The following SDAD1 variants were observed in gnomAD, a reference collection of about 807,000 sequenced individuals.
SDAD1 encodes the protein protein SDA1 homolog.
A neutral mutation model predicts 100.3 loss-of-function variants in SDAD1; 79 were observed. The ratio of observed to expected loss-of-function variants is 0.79; its 90% CI spans 0.66 to 0.95. The LOEUF (loss-of-function observed/expected upper bound fraction) is 0.95. Ranked by LOEUF, SDAD1 falls within the 40% of genes least tolerant of loss-of-function variation. The pLI, the probability that SDAD1 is intolerant of heterozygous loss-of-function variation, is 0.00. For synonymous variants in SDAD1, 267 were observed against 271.4 expected (o/e 0.98, Z 0.16); for missense variants, 790 against 810.9 (o/e 0.97, Z 0.31).
intron 8 of SDAD1, among the ~76,000 whole-genome samples, chr4:75,972,692 C>A (rs1442857974): frequency 1.3e-5 from 2 of 149,024 alleles, no homozygotes; most frequent in Non-Finnish European, 3.0e-5. Context: ...TATTTTATGC[C>A]ATCATGAATC....
chr4:75,954,378 T>A (rs1287333238), intron 21 of SDAD1, among the ~76,000 whole-genome samples: 1 of 146,490 alleles, frequency 6.8e-6, no homozygotes, highest in Non-Finnish European at 1.5e-5. Context: ...CGAGACTCTG[T>A]CTCAAAAAAA....
At chr4:75,990,632 CT>C (rs1394976963) in intron 1 of SDAD1, 119 bp downstream of exon 1, 56 of 1,597,912 alleles carry the variant, frequency 3.5e-5, no homozygotes, top group Non-Finnish European at 4.5e-5. Flanking sequence ...GGAGGGACCC[CT>C]GAACCTAACA....
chr4:75,965,971 AC>A lies in SDAD1; in HGVS notation c.1046-150del, dbSNP rs985426503. On this transcript the variant is annotated intron_variant, in intron 12 of 21. Transcript: ENST00000356260. ...CAATCCCCAGATATCTGCTTGGCTTACCCCCTCACTTTCTTCAGGTCCCTAC... is the reference window on the plus strand; with the variant it reads ...CAATCCCCAGATATCTGCTTGGCTTACCCCTCACTTTCTTCAGGTCCCTAC... 6 of 625,288 alleles carry A rather than the reference AC, an allele frequency of 9.6e-6. No individual in the cohort carries two copies. The African/African-American group carries it at 1.1e-4, about 12-fold the overall frequency. 38.7% of individuals were successfully genotyped at this position (625,288 alleles called of 1,614,324 possible).
At chr4:75,958,580 C>A (rs1729039489) in intron 17 of SDAD1, among the ~76,000 whole-genome samples, 1 of 152,172 alleles carries the variant, frequency 6.6e-6, no homozygotes, top group African/African-American at 2.4e-5. Context: ...AACGTGCCAG[C>A]TCTTTTGTCT....
Position 75,956,515 on chromosome 4 carries a change from G to A in SDAD1, c.1855-379C>T, listed in dbSNP as rs567353161. Among the ~76,000 whole-genome samples, 341 of 151,882 alleles carry A rather than the reference G, an allele frequency of 2.2e-3. 1 individual carries two copies. Among genetic ancestry groups the A allele is most frequent in the Non-Finnish European group, 4.3e-3 (289 of 67,960 alleles). ...TGCACACAAAGGTGTGGAGGAGAAA[G>A]GACACATGGAAGACAGAGGATGAGG... is the stretch of plus-strand genomic sequence containing the variant. On this transcript the variant is annotated intron_variant, in intron 20 of 21. Coordinates refer to ENST00000356260, the MANE Select transcript of SDAD1 (RefSeq NM_018115.4).
At chr4:75,985,973 C>T (rs976316595) in intron 1 of SDAD1, among the ~76,000 whole-genome samples, 3 of 152,228 alleles carry the variant, frequency 2.0e-5, no homozygotes, top group Non-Finnish European at 1.5e-5. Context: ...CACCTCCATG[C>T]GTATACTTCA....
chr4:75,961,382 T>C (rs1729222113), intron 14 of SDAD1, 74 bp from the exon 15 acceptor site: 1 of 1,083,460 alleles, frequency 9.2e-7, no homozygotes, highest in African/African-American at 1.6e-5. Flanking sequence ...GAAGACTTCC[T>C]AAAAAGATTA....
intron 16 of SDAD1, 57 bp from the exon 17 acceptor site, chr4:75,960,249 G>A (rs1729154488): frequency 5.1e-6 from 7 of 1,364,818 alleles, no homozygotes; most frequent in Middle Eastern, 2.0e-4. Context: ...CCTTAATCAT[G>A]AAAGGTAGTC....
intron 14 of SDAD1, among the ~76,000 whole-genome samples, chr4:75,963,512 T>C (rs1287669992): frequency 6.6e-6 from 1 of 152,232 alleles, no homozygotes; most frequent in Non-Finnish European, 1.5e-5. Flanking sequence ...TGATTCTTCC[T>C]ATCCATGAGC....
intron 20 of SDAD1, among the ~76,000 whole-genome samples, chr4:75,957,039 G>A (rs1728935833): frequency 6.6e-6 from 1 of 152,166 alleles, no homozygotes. Flanking sequence ...GAACCTAGGA[G>A]GCAGAGGTTG....
At position 75,981,475 on chromosome 4, in the gene SDAD1, A is replaced by G. The variant is rs1383867282; in HGVS notation, c.196-5T>C. ...CTCTGGGTAGCAGTGACTAATCTGT[A>G]ACAAAGCAAAGGCTCTTCTGAAGTT... On this transcript the variant is annotated splice_region_variant and splice_polypyrimidine_tract_variant and intron_variant, in intron 2 of 21. Coordinates refer to ENST00000356260, the MANE Select transcript of SDAD1 (RefSeq NM_018115.4). 1.2e-6 allele frequency: 2 copies of G among 1,613,586 alleles called. No homozygotes were observed. Among genetic ancestry groups the G allele is most frequent in the African/African-American group, 1.3e-5 (1 of 74,928 alleles).
chr4:75,962,060 C>G (rs1336880365), intron 14 of SDAD1, among the ~76,000 whole-genome samples: 1 of 152,186 alleles, frequency 6.6e-6, no homozygotes, highest in African/African-American at 2.4e-5. Context: ...ACCGCCACCC[C>G]ACGACAGGCC....
chr4:75,974,625 C>A (rs1300073701), intron 6 of SDAD1, among the ~76,000 whole-genome samples: 4 of 152,094 alleles, frequency 2.6e-5, no homozygotes, highest in Admixed American at 2.0e-4. Context: ...ACGAGAACTG[C>A]TTGAACCCAG....
At position 75,950,719 on chromosome 4, in the gene SDAD1, T is replaced by C; in HGVS notation, c.*31A>G. ...TCAGAGCAAGGACACAAACTTAGCATTCTTCTAGGAATGGAAAACTTGCCA... is the reference window on the plus strand; with the variant it reads ...TCAGAGCAAGGACACAAACTTAGCACTCTTCTAGGAATGGAAAACTTGCCA... On this transcript the variant is annotated 3_prime_UTR_variant, in exon 22 of 22. Transcript: ENST00000356260. 6.6e-7 allele frequency: 1 copy of C among 1,521,048 alleles called. No homozygotes were observed. Among genetic ancestry groups the C allele is most frequent in the Non-Finnish European group, 9.1e-7 (1 of 1,103,212 alleles). 94.2% of individuals were successfully genotyped at this position (1,521,048 alleles called of 1,614,324 possible).
In SDAD1 at chr4:75,960,204, G is replaced by T; in HGVS notation, c.1357-12C>A. The T allele has an allele frequency of 1.9e-6, 3 of 1,556,752 alleles. No homozygotes were observed. Among genetic ancestry groups the T allele is most frequent in the Non-Finnish European group, 2.6e-6 (3 of 1,157,958 alleles). ...TCTGTAGGCTTACCCTAAAGGAAAA[G>T]AAATTGTTTGTAATAAGTTGCTTAG... On this transcript the variant is annotated splice_polypyrimidine_tract_variant and intron_variant, in intron 16 of 21. Coordinates refer to ENST00000356260, the MANE Select transcript of SDAD1 (RefSeq NM_018115.4).
At chr4:75,982,543 C>A (rs1383860642) in intron 1 of SDAD1, among the ~76,000 whole-genome samples, 1 of 151,824 alleles carries the variant, frequency 6.6e-6, no homozygotes, top group Non-Finnish European at 1.5e-5. Context: ...AGCTACTCAA[C>A]AGGCTGAAAT....
At chr4:75,973,979 A>G in intron 7 of SDAD1, 97 bp downstream of exon 7, 1 of 960,476 alleles carries the variant, frequency 1.0e-6, no homozygotes, top group Non-Finnish European at 1.7e-6. Context: ...CCTGGTGTGC[A>G]GGCATGCAGT....
intron 17 of SDAD1, among the ~76,000 whole-genome samples, chr4:75,959,097 C>CAAAAAAAAAAAAAAAAAAA: frequency 1.8e-5 from 1 of 54,986 alleles, no homozygotes; most frequent in Non-Finnish European, 3.1e-5. Flanking sequence ...GACTCTGTCT[C>CAAAAAAAAAAAAAAAAAAA]AAAAAAAAAA....
At chr4:75,954,758 G>A (rs757111392) in intron 21 of SDAD1, among the ~76,000 whole-genome samples, 2 of 152,154 alleles carry the variant, frequency 1.3e-5, no homozygotes, top group Non-Finnish European at 2.9e-5. Context: ...GCCTATGAAC[G>A]GACGTGCAGT....
Sources: gnomAD v4.1 joint callset for allele counts (sites outside exome capture counted in the v4.1 genomes callset) on GRCh38, gnomAD v4.1.1 for gene constraint, MANE v1.5 for transcripts, NCBI Gene and HGNC (gene_info 2026-07-23, HGNC 2026-07-21) for gene names.